The following SLC2A13 variants were observed in gnomAD, a reference collection of about 807,000 sequenced individuals.
SLC2A13 encodes the protein solute carrier family 2 member 13, also known as proton myo-inositol cotransporter.
SLC2A13 carries 32 observed loss-of-function variants against 64.4 expected under a neutral mutation model. The ratio of observed to expected loss-of-function variants is 0.50; its 90% confidence interval spans 0.37 to 0.67. The LOEUF is 0.67. Ranked by LOEUF, SLC2A13 falls within the 30% of genes least tolerant of loss-of-function variation. The pLI, the probability that SLC2A13 is intolerant of heterozygous loss-of-function variation, is 0.00. For synonymous variants in SLC2A13, 338 were observed against 327.1 expected, an observed-to-expected ratio of 1.03 and a Z score of -0.36; for missense variants, 743 against 829.2, an observed-to-expected ratio of 0.90 and a Z score of 1.28.
chr12:40,027,636 G>T (rs1398890070), intron 3 of SLC2A13, among the ~76,000 whole-genome samples: 1 of 152,216 alleles, frequency 6.6e-6, no homozygotes, highest in African/African-American at 2.4e-5. Context: ...ATACAAATCT[G>T]CTTCTCCCCT....
chr12:39,890,125 A>G (rs574804102), intron 4 of SLC2A13, among the ~76,000 whole-genome samples: 61 of 152,236 alleles, frequency 4.0e-4, no homozygotes, highest in Non-Finnish European at 3.8e-4. Flanking sequence ...TAAGTCCTAA[A>G]TCAAGCAATT....
rs548854063 is a variant in SLC2A13, at chr12:40,075,182, A to T, written c.557-26972T>A. 1.1e-4 allele frequency among the ~76,000 whole-genome samples: 16 copies of T among 152,326 alleles called. No homozygotes were observed. In the South Asian group the frequency reaches 3.1e-3, roughly 30 times the overall value. On this transcript the variant is annotated intron_variant, in intron 1 of 9. Transcript: ENST00000280871. Reference sequence around the variant, plus strand: ...ACTGTGAAAACCTGGTAGAGCAGCAAGAGGTGAAATTCATAAGAGTGGAAG... The same window carrying T: ...ACTGTGAAAACCTGGTAGAGCAGCATGAGGTGAAATTCATAAGAGTGGAAG...
chr12:40,032,251 C>T (rs1947916830), intron 2 of SLC2A13, among the ~76,000 whole-genome samples: 1 of 152,136 alleles, frequency 6.6e-6, no homozygotes, highest in Non-Finnish European at 1.5e-5. Context: ...CACCCAAGGT[C>T]CACACCTTAC....
At chr12:39,842,791 C>A (rs1943209941) in intron 6 of SLC2A13, among the ~76,000 whole-genome samples, 1 of 151,946 alleles carries the variant, frequency 6.6e-6, no homozygotes, top group Admixed American at 6.6e-5. Context: ...TTTCATCACC[C>A]CCTGGCAACC....
intron 7 of SLC2A13, among the ~76,000 whole-genome samples, chr12:39,796,453 AC>A (rs1161702889): frequency 2.0e-4 from 30 of 151,606 alleles, no homozygotes; most frequent in Non-Finnish European, 4.3e-4. Context: ...ACCTAAACAA[AC>A]AAAAAAAGAA....
intron 6 of SLC2A13, among the ~76,000 whole-genome samples, chr12:39,862,058 G>A (rs1164585136): frequency 6.6e-6 from 1 of 152,150 alleles, no homozygotes; most frequent in African/African-American, 2.4e-5. Context: ...AGGCGCCAGT[G>A]TGTGTAGTTA....
intron 1 of SLC2A13, among the ~76,000 whole-genome samples, chr12:40,053,147 T>C (rs775700930): frequency 2.2e-4 from 33 of 151,940 alleles, no homozygotes; most frequent in Non-Finnish European, 3.8e-4. Flanking sequence ...CCAGGCATGG[T>C]GGCACATGCC....
At chr12:39,903,331 AT>A (rs927486937) in intron 4 of SLC2A13, among the ~76,000 whole-genome samples, 1 of 152,112 alleles carries the variant, frequency 6.6e-6, no homozygotes, top group African/African-American at 2.4e-5. Flanking sequence ...TTCAGGAAGC[AT>A]TTTTCCAAAA....
intron 3 of SLC2A13, among the ~76,000 whole-genome samples, chr12:39,980,881 G>C (rs1946880250): frequency 1.3e-5 from 2 of 151,662 alleles, no homozygotes; most frequent in African/African-American, 4.8e-5. Flanking sequence ...ATTTTTTTCA[G>C]CACCACACCA....
chr12:39,903,625 G>A (rs918836216), intron 4 of SLC2A13, among the ~76,000 whole-genome samples: 4 of 151,948 alleles, frequency 2.6e-5, no homozygotes, highest in African/African-American at 9.7e-5. Flanking sequence ...TTTCCCTCTT[G>A]GAGGGAAAAT....
intron 7 of SLC2A13, among the ~76,000 whole-genome samples, chr12:39,799,309 T>C (rs991396271): frequency 2.7e-5 from 4 of 147,136 alleles, no homozygotes; most frequent in Middle Eastern, 3.3e-3. Context: ...GGGGTTTCGC[T>C]GTGTTGGCCA....
At chr12:39,766,672 C>T (rs1471582924) in intron 7 of SLC2A13, among the ~76,000 whole-genome samples, 2 of 152,078 alleles carry the variant, frequency 1.3e-5, no homozygotes, top group Non-Finnish European at 2.9e-5. Context: ...AACTCTGCTA[C>T]TGCTTTGTCA....
At chr12:39,899,691 C>T (rs1368828315) in intron 4 of SLC2A13, among the ~76,000 whole-genome samples, 11 of 151,858 alleles carry the variant, frequency 7.2e-5, no homozygotes, top group Admixed American at 6.6e-4. Flanking sequence ...TCTTTGTTCT[C>T]GTTGGTTTCA....
intron 7 of SLC2A13, among the ~76,000 whole-genome samples, chr12:39,795,027 T>C (rs1408146284): frequency 6.6e-6 from 1 of 152,190 alleles, no homozygotes; most frequent in Non-Finnish European, 1.5e-5. Flanking sequence ...GTCTTACTGC[T>C]GGGATGCTTT....
At chr12:39,891,294 T>C (rs185283987) in intron 4 of SLC2A13, among the ~76,000 whole-genome samples, 1 of 151,746 alleles carries the variant, frequency 6.6e-6, no homozygotes. Flanking sequence ...TAACTGCTTC[T>C]TTACTTTCCT....
At chr12:39,830,357 TG>T in intron 6 of SLC2A13, 129 bp from the exon 7 acceptor site, 1 of 1,448,214 alleles carries the variant, frequency 6.9e-7, no homozygotes, top group Middle Eastern at 2.3e-4. Context: ...GGACTTGTTT[TG>T]GCCAAGGAAA....
intron 6 of SLC2A13, among the ~76,000 whole-genome samples, chr12:39,861,535 G>A (rs566182549): frequency 2.0e-5 from 3 of 152,140 alleles, no homozygotes; most frequent in Non-Finnish European, 2.9e-5. Context: ...TGAGGGAAGC[G>A]TACATAGGAA....
chr12:39,832,607 T>C (rs1942885669), intron 6 of SLC2A13, among the ~76,000 whole-genome samples: 1 of 152,082 alleles, frequency 6.6e-6, no homozygotes, highest in Admixed American at 6.6e-5. Flanking sequence ...TGCCACACAC[T>C]ATGCTAGGTG....
At chr12:39,764,124 T>C (rs1940261169) in intron 9 of SLC2A13, among the ~76,000 whole-genome samples, 1 of 152,068 alleles carries the variant, frequency 6.6e-6, no homozygotes, top group Non-Finnish European at 1.5e-5. Flanking sequence ...TTTACCATTT[T>C]CTGTTTTTTT....
Sources: gnomAD v4.1 joint callset for allele counts (sites outside exome capture counted in the v4.1 genomes callset) on GRCh38, gnomAD v4.1.1 for gene constraint, MANE v1.5 for transcripts, NCBI Gene and HGNC (gene_info 2026-07-23, HGNC 2026-07-21) for gene names.